The following CERS3 variants were observed in gnomAD, a reference collection of about 807,000 sequenced individuals.
CERS3 encodes the protein ceramide synthase 3, also known as LAG1 homolog, ceramide synthase 3.
In CERS3, 33 loss-of-function variants were observed where a neutral mutation model predicts 50.3. That is an observed-to-expected ratio of 0.66 (90% confidence interval 0.50 to 0.88). CERS3 has a LOEUF of 0.88. CERS3 is among the 40% of genes least tolerant of loss of function. The pLI is 0.00. For synonymous variants in CERS3, 176 were observed against 155.2 expected, an observed-to-expected ratio of 1.13 and a Z score of -0.99; for missense variants, 470 against 460.3, an observed-to-expected ratio of 1.02 and a Z score of -0.19.
chr15:100,478,789 T>A (rs978075855), intron 7 of CERS3, among the ~76,000 whole-genome samples: 25 of 151,648 alleles, frequency 1.6e-4, no homozygotes, highest in Non-Finnish European at 1.5e-5. Context: ...TTAAAAAAAA[T>A]AGCAAAGGTA....
chr15:100,464,721 T>C (rs535589039), intron 10 of CERS3, among the ~76,000 whole-genome samples: 1 of 152,268 alleles, frequency 6.6e-6, no homozygotes, highest in South Asian at 2.1e-4. Context: ...AGAACAATAG[T>C]TGGGAATACA....
intron 11 of CERS3, among the ~76,000 whole-genome samples, chr15:100,444,356 C>T (rs1031833023): frequency 9.6e-6 from 1 of 103,998 alleles, no homozygotes; most frequent in Admixed American, 1.1e-4. Flanking sequence ...GACTTCAATC[C>T]GGCCTCCCAC....
chr15:100,412,949 T>C (rs1043303949), intron 11 of CERS3, among the ~76,000 whole-genome samples: 1 of 152,142 alleles, frequency 6.6e-6, no homozygotes, highest in African/African-American at 2.4e-5. Context: ...TCCCACCCTG[T>C]AGAGTGATAC....
At chr15:100,534,687 A>T (rs2037029235) in intron 1 of CERS3, among the ~76,000 whole-genome samples, 1 of 151,118 alleles carries the variant, frequency 6.6e-6, no homozygotes. Context: ...TGCTTAGGGC[A>T]AACCCTAAGC....
intron 10 of CERS3, among the ~76,000 whole-genome samples, chr15:100,466,887 T>A (rs1181612933): frequency 1.1e-5 from 1 of 92,052 alleles, no homozygotes; most frequent in Admixed American, 1.1e-4. Flanking sequence ...GGAGTCTTTC[T>A]CTGTTGCCCA....
intron 11 of CERS3, among the ~76,000 whole-genome samples, chr15:100,423,098 G>GACC (rs1179850105): frequency 1.0e-4 from 3 of 29,532 alleles, no homozygotes; most frequent in Non-Finnish European, 1.7e-4. Flanking sequence ...AAAAAAAAAT[G>GACC]TTAAAAAAAA....
intron 11 of CERS3, among the ~76,000 whole-genome samples, chr15:100,427,549 G>A (rs1210363654): frequency 6.6e-6 from 1 of 152,190 alleles, no homozygotes; most frequent in Non-Finnish European, 1.5e-5. Context: ...GGCAGAGCCT[G>A]AAGCTACCAG....
chr15:100,441,888 C>T (rs1023809830), intron 11 of CERS3, among the ~76,000 whole-genome samples: 8 of 152,092 alleles, frequency 5.3e-5, no homozygotes, highest in Middle Eastern at 3.4e-3. Flanking sequence ...CCCCAAGCGT[C>T]GCTGAGTCTT....
chr15:100,451,265 G>T (rs1271406584), intron 11 of CERS3, among the ~76,000 whole-genome samples: 1 of 152,106 alleles, frequency 6.6e-6, no homozygotes, highest in African/African-American at 2.4e-5. Flanking sequence ...TTAATAAAAT[G>T]ACAGAAATAA....
In CERS3 at chr15:100,430,204, C is replaced by T. The variant is rs192318014; in HGVS notation, c.999+25689G>A. 4.4e-3 allele frequency among the ~76,000 whole-genome samples: 667 copies of T among 151,628 alleles called. 6 individuals carry two copies. The highest frequency in any genetic ancestry group is 0.014 in the African/African-American group (581 of 41,352). ...GGGGGCGCCTGTAGTCCCAGGTACT[C>T]GGGAGGCTGAGGCAGGAGAATGGCG... On this transcript the variant is annotated intron_variant, in intron 11 of 11. Coordinates refer to ENST00000679737, the MANE Select transcript of CERS3 (RefSeq NM_001378789.1).
chr15:100,477,155 G>T (rs1025188123), intron 7 of CERS3, among the ~76,000 whole-genome samples: 1 of 152,186 alleles, frequency 6.6e-6, no homozygotes, highest in Non-Finnish European at 1.5e-5. Flanking sequence ...AATGGTTGTT[G>T]TTTGAAGGCA....
At chr15:100,417,993 C>G (rs562233878) in intron 11 of CERS3, among the ~76,000 whole-genome samples, 184 of 152,184 alleles carry the variant, frequency 1.2e-3, no homozygotes, top group African/African-American at 4.1e-3. Flanking sequence ...AAACAGAACA[C>G]AAAAACTGGA....
Position 100,469,438 on chromosome 15 carries a change from G to T in CERS3, c.785C>A (p.Thr262Asn), listed in dbSNP as rs200925198. 206 of 1,614,030 alleles carry T rather than the reference G, an allele frequency of 1.3e-4. 1 individual carries two copies. In the Admixed American group the frequency reaches 3.3e-3, roughly 26 times the overall value. ...SYAGWTQTCN[T>N]LFFIFSTIFF... The stretch of plus-strand genomic sequence containing the variant: ...TATGGTGGAGAAGATGAAAAACAGG[G>T]TGTTACAGGTCTGCGTCCATCCAGC... Residue 262 changes from threonine to asparagine, a missense_variant, in exon 10 of 12, where the codon ACC becomes AAC. Transcript: ENST00000679737.
At position 100,467,850 on chromosome 15, in the gene CERS3, T is replaced by TATATATAG. The variant is rs145899470; in HGVS notation, c.845+1527_845+1528insCTATATAT. Among the ~76,000 whole-genome samples, 117 of 93,136 alleles carry TATATATAG rather than the reference T, an allele frequency of 1.3e-3. 3 individuals carry two copies. The highest frequency in any genetic ancestry group is 1.3e-3 in the African/African-American group (34 of 26,814). The allele number at this position is 93,136 out of a possible 152,430, so 61.1% of individuals were successfully genotyped here. ...ATATATATACGTGTATATATATATA[T>TATATATAG]ATAGATAGATAGATAGATAGATAGA... On this transcript the variant is annotated intron_variant, in intron 10 of 11. Coordinates refer to ENST00000679737, the MANE Select transcript of CERS3 (RefSeq NM_001378789.1).
chr15:100,537,681 T>C (rs2037106277), intron 1 of CERS3, among the ~76,000 whole-genome samples: 1 of 152,224 alleles, frequency 6.6e-6, no homozygotes, highest in African/African-American at 2.4e-5. Flanking sequence ...GGTCTCTCCA[T>C]GGACATGTGA....
intron 10 of CERS3, among the ~76,000 whole-genome samples, chr15:100,468,614 G>T (rs2034861774): frequency 6.6e-6 from 1 of 152,096 alleles, no homozygotes; most frequent in South Asian, 2.1e-4. Context: ...AGGATCCCAA[G>T]TTCCCAGACT....
chr15:100,488,255 T>G (rs2035545400), intron 4 of CERS3, among the ~76,000 whole-genome samples: 1 of 152,242 alleles, frequency 6.6e-6, no homozygotes, highest in Admixed American at 6.5e-5. Flanking sequence ...GGAAGTGTTT[T>G]GTTTTCCTGG....
At chr15:100,410,505 C>CA (rs1273967923) in intron 11 of CERS3, among the ~76,000 whole-genome samples, 1 of 152,120 alleles carries the variant, frequency 6.6e-6, no homozygotes, top group African/African-American at 2.4e-5. Flanking sequence ...GGATCAAAGT[C>CA]AAAGTTTTCC....
chr15:100,439,725 G>A (rs549812694), intron 11 of CERS3, among the ~76,000 whole-genome samples: 2 of 152,264 alleles, frequency 1.3e-5, no homozygotes, highest in African/African-American at 4.8e-5. Flanking sequence ...GAGGCTTTAC[G>A]GCTTTGGAGG....
Sources: gnomAD v4.1 joint callset for allele counts (sites outside exome capture counted in the v4.1 genomes callset) on GRCh38, gnomAD v4.1.1 for gene constraint, MANE v1.5 for transcripts, NCBI Gene and HGNC (gene_info 2026-07-23, HGNC 2026-07-21) for gene names.